MRE11: variants seen among roughly 807,000 people sequenced by gnomAD.
The protein encoded by MRE11 is MRE11 double strand break repair nuclease.
MRE11 carries 62 observed loss-of-function variants against 91.7 expected under a neutral mutation model. That is an observed-to-expected ratio of 0.68 (90% CI 0.55 to 0.84). MRE11 has a LOEUF of 0.84. Ranked by LOEUF, MRE11 falls within the 40% of genes least tolerant of loss-of-function variation. The pLI is 0.00. For missense variants in MRE11, 796 were observed against 852.9 expected (o/e 0.93, Z 0.83); for synonymous variants, 273 against 271.4 (o/e 1.01, Z -0.06).
chr11:94,420,297 T>C, intron 19 of MRE11, 116 bp from the exon 20 acceptor site: 1 of 743,474 alleles, frequency 1.3e-6, no homozygotes, highest in Non-Finnish European at 2.3e-6. Context: ...GGATAGACTT[T>C]ATTTTTCTAT....
chr11:94,475,335 A>T (rs1946822966), intron 7 of MRE11: 1 of 261,358 alleles, frequency 3.8e-6, no homozygotes, highest in Admixed American at 4.6e-5. Context: ...AGGAGGATAT[A>T]TGTAGGTTAT....
intron 9 of MRE11, among the ~76,000 whole-genome samples, chr11:94,468,456 C>T (rs544749326): frequency 1.3e-5 from 2 of 152,268 alleles, no homozygotes; most frequent in South Asian, 4.1e-4. Context: ...AAGGAGACAG[C>T]ACTAGATTAT....
At chr11:94,440,069 G>A (rs1945734181) in intron 16 of MRE11, among the ~76,000 whole-genome samples, 1 of 152,228 alleles carries the variant, frequency 6.6e-6, no homozygotes, top group Admixed American at 6.5e-5. Context: ...GGCTGTGACT[G>A]ACCCAATGGA....
chr11:94,487,873 TA>T (rs147805668), intron 3 of MRE11, among the ~76,000 whole-genome samples: 1 of 152,122 alleles, frequency 6.6e-6, no homozygotes, highest in Non-Finnish European at 1.5e-5. Context: ...AAAGTTTTTT[TA>T]AAAAAAGACT....
intron 18 of MRE11, among the ~76,000 whole-genome samples, chr11:94,430,336 A>C (rs990133000): frequency 1.2e-4 from 18 of 152,168 alleles, no homozygotes; most frequent in African/African-American, 4.3e-4. Context: ...TAAGTACTAC[A>C]ACAATACTTA....
At chr11:94,470,252 T>C (rs552976406) in intron 9 of MRE11, among the ~76,000 whole-genome samples, 1 of 152,126 alleles carries the variant, frequency 6.6e-6, no homozygotes, top group African/African-American at 2.4e-5. Context: ...AGGAGAGAGA[T>C]TTAATTTTTT....
chr11:94,437,721 T>C (rs1318749153), intron 16 of MRE11, among the ~76,000 whole-genome samples: 1 of 152,240 alleles, frequency 6.6e-6, no homozygotes, highest in Non-Finnish European at 1.5e-5. Context: ...AAAACAGCAT[T>C]CTATGATAAA....
intron 18 of MRE11, among the ~76,000 whole-genome samples, chr11:94,435,063 A>G (rs1008095824): frequency 6.6e-6 from 1 of 152,208 alleles, no homozygotes; most frequent in Non-Finnish European, 1.5e-5. Flanking sequence ...ATAGGCAAAA[A>G]ATCCCAAAAC....
chr11:94,424,906 A>G (rs950413390), intron 19 of MRE11, among the ~76,000 whole-genome samples: 1 of 152,178 alleles, frequency 6.6e-6, no homozygotes, highest in Non-Finnish European at 1.5e-5. Context: ...AAGAGAGAAT[A>G]AGCAATATGG....
intron 14 of MRE11, among the ~76,000 whole-genome samples, chr11:94,451,003 A>C (rs1946087347): frequency 6.6e-6 from 1 of 151,314 alleles, no homozygotes; most frequent in Admixed American, 6.6e-5. Context: ...CACATCTCTA[A>C]TACTAGCACT....
At chr11:94,462,533 A>G (rs1283436736) in intron 11 of MRE11, among the ~76,000 whole-genome samples, 2 of 152,242 alleles carry the variant, frequency 1.3e-5, no homozygotes, top group African/African-American at 4.8e-5. Flanking sequence ...AAACTGCACA[A>G]CAAGGCTACA....
chr11:94,510,311 A>G, the MRE11 span, among the ~76,000 whole-genome samples: 2 of 152,190 alleles, frequency 1.3e-5, no homozygotes, highest in African/African-American at 4.8e-5. Flanking sequence ...TATCTTTTTA[A>G]TGCCTGTAAG....
chr11:94,448,352 G>A (rs1946002123), intron 14 of MRE11, among the ~76,000 whole-genome samples: 1 of 152,032 alleles, frequency 6.6e-6, no homozygotes, highest in African/African-American at 2.4e-5. Context: ...CTAGGTGGAT[G>A]GACTGCTTGA....
At chr11:94,439,328 T>C (rs1283288214) in intron 16 of MRE11, among the ~76,000 whole-genome samples, 1 of 152,130 alleles carries the variant, frequency 6.6e-6, no homozygotes, top group Non-Finnish European at 1.5e-5. Context: ...TTTCACAAAT[T>C]TATACTTAAA....
chr11:94,432,667 CA>C (rs1173415217), intron 18 of MRE11, among the ~76,000 whole-genome samples: 12 of 152,122 alleles, frequency 7.9e-5, no homozygotes, highest in African/African-American at 2.9e-4. Context: ...ATTAGCCGGG[CA>C]TGGTGGCAGG....
intron 16 of MRE11, among the ~76,000 whole-genome samples, chr11:94,439,800 A>T (rs1945724691): frequency 6.6e-6 from 1 of 152,224 alleles, no homozygotes; most frequent in Non-Finnish European, 1.5e-5. Context: ...AAAACTTAAC[A>T]TATTTGCTGG....
chr11:94,447,274 T>A lies in MRE11; in HGVS notation c.1728A>T (p.Arg576=), dbSNP rs876658330. The A allele has an allele frequency of 1.9e-6, 3 of 1,614,056 alleles. No individual in the cohort carries two copies. Among genetic ancestry groups the A allele is most frequent in the Middle Eastern group, 1.6e-4 (1 of 6,062 alleles). Residue 576 remains arginine (R), a synonymous_variant, in exon 15 of 20, where the codon CGA becomes CGT. Coordinates refer to ENST00000323929, the MANE Select transcript of MRE11 (RefSeq NM_005591.4). ...CTGAATTCTGCCCTCTTCCACCTCT[T>A]CGACCTCTTCCTCGGCCTCTTCCTT... is the stretch of plus-strand genomic sequence containing the variant. ...TNKGRGRGRG[R]RGGRGQNSAS...
chr11:94,437,619 T>G (rs968537621), intron 16 of MRE11, among the ~76,000 whole-genome samples: 3 of 152,220 alleles, frequency 2.0e-5, no homozygotes, highest in African/African-American at 7.2e-5. Context: ...TGTTGCTACA[T>G]TAGGAGCCAT....
At chr11:94,469,865 G>A (rs565590006) in intron 9 of MRE11, among the ~76,000 whole-genome samples, 21 of 152,212 alleles carry the variant, frequency 1.4e-4, no homozygotes, top group African/African-American at 4.6e-4. Flanking sequence ...AGAACTGAGC[G>A]TCAGCAAGTG....
Sources: allele counts gnomAD v4.1 joint callset (sites outside exome capture counted in the v4.1 genomes callset), GRCh38; gene constraint gnomAD v4.1.1; transcripts MANE v1.5; gene names NCBI Gene and HGNC (gene_info 2026-07-23, HGNC 2026-07-21).